Variants in CYSLTR2 observed in about 807,000 individuals in gnomAD.
The protein encoded by CYSLTR2 is cysteinyl leukotriene receptor 2.
For synonymous variants in CYSLTR2, 179 were observed against 160.8 expected (o/e 1.11, Z -0.86); for missense variants, 398 against 411.9 (o/e 0.97, Z 0.29).
intron 1 of CYSLTR2, among the ~76,000 whole-genome samples, chr13:48,668,853 T>C (rs1953340884): frequency 6.6e-6 from 1 of 152,084 alleles, no homozygotes; most frequent in Admixed American, 6.6e-5. Context: ...AGTGAGAACA[T>C]GCGGTGTTTG....
At chr13:48,654,934 G>A (rs1409859760) in intron 1 of CYSLTR2, among the ~76,000 whole-genome samples, 3 of 152,118 alleles carry the variant, frequency 2.0e-5, no homozygotes, top group Non-Finnish European at 2.9e-5. Context: ...ATATACCTGA[G>A]AGTAATATGT....
chr13:48,708,682 T>A lies in CYSLTR2; in HGVS notation c.*824T>A, dbSNP rs1223211421. 6.0e-6 allele frequency: 1 copy of A among 167,088 alleles called. No homozygotes were observed. Among genetic ancestry groups the A allele is most frequent in the African/African-American group, 2.4e-5 (1 of 41,444 alleles). The allele number at this position is 167,088 out of a possible 1,614,324, so 10.4% of individuals were successfully genotyped here. A position where few individuals can be genotyped will look rare whatever the true frequency, so the allele number is the denominator to read the frequency against. On this transcript the variant is annotated 3_prime_UTR_variant, in exon 5 of 5. Coordinates refer to ENST00000682523, the MANE Select transcript of CYSLTR2 (RefSeq NM_001308476.3). ...TGCTGCAGTTCTCCTTCCCATTAAT[T>A]CATTGGGATGGAAGCCAAAAATAAA... is the stretch of plus-strand genomic sequence containing the variant.
chr13:48,690,804 G>A (rs1593996913), intron 1 of CYSLTR2, among the ~76,000 whole-genome samples: 1 of 152,176 alleles, frequency 6.6e-6, no homozygotes, highest in South Asian at 2.1e-4. Context: ...TTTTTCTATT[G>A]TTTGGAATAG....
intron 1 of CYSLTR2, among the ~76,000 whole-genome samples, chr13:48,677,233 A>G (rs2138876389): frequency 6.6e-6 from 1 of 152,292 alleles, no homozygotes; most frequent in African/African-American, 2.4e-5. Flanking sequence ...AGCAGGAATG[A>G]ATGATCTTAA....
At chr13:48,666,382 T>C (rs1052606773) in intron 1 of CYSLTR2, among the ~76,000 whole-genome samples, 3 of 152,144 alleles carry the variant, frequency 2.0e-5, no homozygotes, top group African/African-American at 7.2e-5. Context: ...TTGGGGAGGA[T>C]CTTTTTGCAT....
At chr13:48,660,834 T>G (rs1240979781) in intron 1 of CYSLTR2, among the ~76,000 whole-genome samples, 1 of 152,170 alleles carries the variant, frequency 6.6e-6, no homozygotes, top group Non-Finnish European at 1.5e-5. Context: ...TCAGTGATAC[T>G]TCCCTGTTCT....
intron 1 of CYSLTR2, among the ~76,000 whole-genome samples, chr13:48,667,146 C>T (rs148199975): frequency 1.2e-3 from 183 of 152,272 alleles, no homozygotes; most frequent in Middle Eastern, 6.8e-3. Context: ...GTGTAGTCTT[C>T]ATGTGGTTTC....
At position 48,707,533 on chromosome 13, in the gene CYSLTR2, G is replaced by A. The variant is rs199903030; in HGVS notation, c.716G>A (p.Arg239Gln). Reference protein sequence around the residue: ...LKVEVPESGLRVSHRKALTTI... With the variant: ...LKVEVPESGLQVSHRKALTTI... ...GTGGAGGTCCCAGAATCGGGGCTGC[G>A]GGTTTCTCACAGGAAGGCACTGACC... The change falls in exon 5 of 5, where the codon CGG (arginine) becomes CAG (glutamine). Residue 239 changes from arginine to glutamine, a missense_variant. By Grantham distance (43) the Arg-to-Gln change is conservative. Coordinates refer to ENST00000682523, the MANE Select transcript of CYSLTR2 (RefSeq NM_001308476.3). 111 of 1,608,838 alleles carry A rather than the reference G, an allele frequency of 6.9e-5. No individual in the cohort carries two copies. In the Admixed American group the frequency reaches 1.0e-3, roughly 15 times the overall value.
At chr13:48,669,854 G>A (rs886222015) in intron 1 of CYSLTR2, among the ~76,000 whole-genome samples, 5 of 152,020 alleles carry the variant, frequency 3.3e-5, no homozygotes, top group African/African-American at 7.2e-5. Context: ...AGTTGCCACA[G>A]TGTCTTCCAC....
At chr13:48,661,957 C>T (rs1953140405) in intron 1 of CYSLTR2, among the ~76,000 whole-genome samples, 1 of 152,144 alleles carries the variant, frequency 6.6e-6, no homozygotes, top group Non-Finnish European at 1.5e-5. Context: ...TTATTCCTCT[C>T]ATCTAGTGGT....
At chr13:48,702,651 T>A (rs1954381067) in intron 4 of CYSLTR2, among the ~76,000 whole-genome samples, 1 of 152,168 alleles carries the variant, frequency 6.6e-6, no homozygotes, top group African/African-American at 2.4e-5. Context: ...TGTTGATCTA[T>A]CTGTTTGTCC....
rs1408055868 is a variant in CYSLTR2, at chr13:48,709,628, T to C, written c.*1770T>C. 1 of 152,166 alleles carries C rather than the reference T, an allele frequency of 6.6e-6. No individual in the cohort carries two copies. Among genetic ancestry groups the C allele is most frequent in the African/African-American group, 2.4e-5 (1 of 41,430 alleles). The allele number at this position is 152,166 out of a possible 1,614,324, so 9.4% of individuals were successfully genotyped here. On this transcript the variant is annotated 3_prime_UTR_variant, in exon 5 of 5. Coordinates refer to ENST00000682523, the MANE Select transcript of CYSLTR2 (RefSeq NM_001308476.3). Reference sequence around the variant, plus strand: ...CCTGTCAGAGCCTCATTCTTAATTATGAAAAGTAGTCAATGAACACAATAC... The same window carrying C: ...CCTGTCAGAGCCTCATTCTTAATTACGAAAAGTAGTCAATGAACACAATAC...
chr13:48,664,567 T>C (rs1953212983), intron 1 of CYSLTR2, among the ~76,000 whole-genome samples: 1 of 151,982 alleles, frequency 6.6e-6, no homozygotes, highest in Non-Finnish European at 1.5e-5. Flanking sequence ...TGTATGTGTC[T>C]AGGAATTTAC....
intron 1 of CYSLTR2, among the ~76,000 whole-genome samples, chr13:48,670,597 G>C (rs568669063): frequency 1.3e-5 from 2 of 152,234 alleles, no homozygotes; most frequent in East Asian, 3.9e-4. Context: ...CAGATGTGTG[G>C]TGTTATTTCT....
rs781106861 is a variant in CYSLTR2 at position 48,706,798 on chromosome 13, CT to C, written c.-1-18del. On this transcript the variant is annotated intron_variant, in intron 4 of 4. Transcript: ENST00000682523. ...AAATTCACAAAGTAACTTTTTGTGT[CT>C]GTTTCTTTTTAACCCAGCATGGAGA... is the stretch of plus-strand genomic sequence containing the variant. The C allele has an allele frequency of 1.4e-5, 22 of 1,577,070 alleles. No individual in the cohort carries two copies. The highest frequency in any genetic ancestry group is 1.9e-5 in the Non-Finnish European group (22 of 1,160,674).
intron 1 of CYSLTR2, among the ~76,000 whole-genome samples, chr13:48,689,043 G>A (rs989393898): frequency 3.9e-5 from 6 of 152,246 alleles, no homozygotes; most frequent in East Asian, 1.9e-4. Flanking sequence ...TTTGTTGGCC[G>A]CATAAATGTC....
intron 1 of CYSLTR2, among the ~76,000 whole-genome samples, chr13:48,672,616 C>CTTTTTTTTTTTTTTTTTTTTTTT (rs71076039): frequency 8.3e-6 from 1 of 120,132 alleles, no homozygotes; most frequent in Non-Finnish European, 1.7e-5. Context: ...CTTTTCTTTT[C>CTTTTTTTTTTTTTTTTTTTTTTT]TTTTTTTTTT....
chr13:48,654,772 C>A (rs1348055035), intron 1 of CYSLTR2, among the ~76,000 whole-genome samples: 1 of 152,198 alleles, frequency 6.6e-6, no homozygotes, highest in Non-Finnish European at 1.5e-5. Flanking sequence ...TAGAAAATTA[C>A]CCCTAGAATA....
At chr13:48,699,364 C>CT (rs1954280920) in intron 4 of CYSLTR2, among the ~76,000 whole-genome samples, 1 of 151,830 alleles carries the variant, frequency 6.6e-6, no homozygotes, top group Non-Finnish European at 1.5e-5. Context: ...CAGGGTTAAA[C>CT]TTACTCAAAA....
Sources: allele counts gnomAD v4.1 joint callset (sites outside exome capture counted in the v4.1 genomes callset), GRCh38; gene constraint gnomAD v4.1.1; transcripts MANE v1.5; gene names NCBI Gene and HGNC (gene_info 2026-07-23, HGNC 2026-07-21).